The following ST8SIA6 variants were observed in gnomAD, a reference collection of about 807,000 sequenced individuals.
The protein encoded by ST8SIA6 is alpha-2,8-sialyltransferase 8F.
A neutral mutation model predicts 33.6 loss-of-function variants in ST8SIA6; 39 were observed. The observed-to-expected ratio is 1.16, with a 90% confidence interval of 0.90 to 1.52. ST8SIA6 has a LOEUF of 1.52. Among genes scored for constraint, ST8SIA6 ranks in the 40% most tolerant of loss-of-function variants. ST8SIA6 has a pLI of 0.00. For missense variants in ST8SIA6, 441 were observed against 443.8 expected (o/e 0.99, Z 0.06); for synonymous variants, 172 against 167.2 (o/e 1.03, Z -0.22).
Position 17,320,796 on chromosome 10 carries a change from A to T in ST8SIA6, c.*82T>A. On this transcript the variant is annotated 3_prime_UTR_variant, in exon 8 of 8. Coordinates refer to ENST00000377602, the MANE Select transcript of ST8SIA6 (RefSeq NM_001004470.3). ...TGGGGCTCATCTCAAAATACTCTTT[A>T]GCCACCTCCTTTGGTGTTTGGAGAC... 2 of 1,454,710 alleles carry T rather than the reference A, an allele frequency of 1.4e-6. No homozygotes were observed. The highest frequency in any genetic ancestry group is 1.9e-6 in the Non-Finnish European group (2 of 1,061,988). The allele number at this position is 1,454,710 out of a possible 1,614,324, so 90.1% of individuals were successfully genotyped here.
chr10:17,324,895 A>G (rs1348097083), intron 6 of ST8SIA6, among the ~76,000 whole-genome samples: 3 of 146,644 alleles, frequency 2.0e-5, no homozygotes, highest in Non-Finnish European at 3.0e-5. Context: ...TATATTATAT[A>G]TAACATGTAT....
chr10:17,365,139 TG>T (rs1246163061), intron 3 of ST8SIA6, among the ~76,000 whole-genome samples: 1 of 152,242 alleles, frequency 6.6e-6, no homozygotes, highest in Admixed American at 6.5e-5. Context: ...CAGCAAGTTA[TG>T]TTCAAAAGAA....
intron 4 of ST8SIA6, among the ~76,000 whole-genome samples, chr10:17,353,186 G>A (rs1025588642): frequency 3.4e-5 from 5 of 148,880 alleles, no homozygotes; most frequent in African/African-American, 1.3e-4. Flanking sequence ...GAATGAAAAA[G>A]TGTAAGCTCA....
At chr10:17,412,289 C>T (rs1234591915) in intron 2 of ST8SIA6, among the ~76,000 whole-genome samples, 1 of 152,156 alleles carries the variant, frequency 6.6e-6, no homozygotes, top group Non-Finnish European at 1.5e-5. Flanking sequence ...TCTAGAGCCA[C>T]ATCCTATCCC....
Position 17,326,366 on chromosome 10 carries a change from A to T in ST8SIA6, c.635+648T>A, listed in dbSNP as rs117020877. 1.4e-3 allele frequency among the ~76,000 whole-genome samples: 214 copies of T among 152,264 alleles called. 1 individual carries two copies. In the East Asian group the frequency reaches 0.021, roughly 15 times the overall value. ...GAAGGATAAATTACCTTTCCATTAC[A>T]CTGAGACAGTGGAGATGCTTTGGTA... On this transcript the variant is annotated intron_variant, in intron 6 of 7. Coordinates refer to ENST00000377602, the MANE Select transcript of ST8SIA6 (RefSeq NM_001004470.3).
At chr10:17,448,358 C>T (rs941200612) in intron 2 of ST8SIA6, among the ~76,000 whole-genome samples, 10 of 152,144 alleles carry the variant, frequency 6.6e-5, no homozygotes, top group African/African-American at 1.9e-4. Flanking sequence ...CTGTCCAGGA[C>T]GTCACGGCCA....
intron 3 of ST8SIA6, among the ~76,000 whole-genome samples, chr10:17,377,992 A>G (rs939007689): frequency 1.3e-5 from 2 of 152,204 alleles, no homozygotes; most frequent in African/African-American, 2.4e-5. Flanking sequence ...ACAACAGGCA[A>G]TTCATGCCTG....
chr10:17,327,763 T>C (rs901471735), intron 5 of ST8SIA6, among the ~76,000 whole-genome samples: 11 of 151,958 alleles, frequency 7.2e-5, no homozygotes, highest in African/African-American at 2.4e-4. Context: ...AAAAATTGGC[T>C]GAGTTTGGTG....
intron 2 of ST8SIA6, among the ~76,000 whole-genome samples, chr10:17,412,839 G>A (rs1185368655): frequency 6.6e-6 from 1 of 152,152 alleles, no homozygotes; most frequent in East Asian, 1.9e-4. Context: ...AGAGAAAAAG[G>A]TGAGTGTTTT....
chr10:17,441,715 G>C (rs1279994491), intron 2 of ST8SIA6, among the ~76,000 whole-genome samples: 1 of 151,908 alleles, frequency 6.6e-6, no homozygotes, highest in Non-Finnish European at 1.5e-5. Flanking sequence ...CTCTAAATTT[G>C]TTAATTAATT....
At chr10:17,401,684 G>T (rs1222437082) in intron 2 of ST8SIA6, among the ~76,000 whole-genome samples, 8 of 152,174 alleles carry the variant, frequency 5.3e-5, no homozygotes, top group African/African-American at 1.4e-4. Context: ...ATGGGGAAAG[G>T]ATTCCCTATT....
chr10:17,419,166 G>A (rs891540196), intron 2 of ST8SIA6, among the ~76,000 whole-genome samples: 22 of 151,708 alleles, frequency 1.5e-4, no homozygotes, highest in African/African-American at 5.1e-4. Flanking sequence ...AGTAAGTATC[G>A]AATTACACAT....
chr10:17,437,473 A>C (rs899615304), intron 2 of ST8SIA6, among the ~76,000 whole-genome samples: 3 of 150,998 alleles, frequency 2.0e-5, no homozygotes, highest in Non-Finnish European at 4.4e-5. Context: ...TGCCTGGACA[A>C]TCTCTATATT....
chr10:17,391,277 T>A (rs1366375762), intron 2 of ST8SIA6, among the ~76,000 whole-genome samples: 1 of 152,110 alleles, frequency 6.6e-6, no homozygotes, highest in Non-Finnish European at 1.5e-5. Flanking sequence ...ATTTATTTAT[T>A]TTTTAGATGG....
intron 3 of ST8SIA6, among the ~76,000 whole-genome samples, chr10:17,379,652 G>A (rs1001064143): frequency 6.6e-6 from 1 of 152,056 alleles, no homozygotes; most frequent in African/African-American, 2.4e-5. Context: ...CTGCTTGGAG[G>A]CTTCCTGCCT....
At chr10:17,339,156 TTTTG>T (rs1848597190) in intron 4 of ST8SIA6, among the ~76,000 whole-genome samples, 2 of 152,144 alleles carry the variant, frequency 1.3e-5, no homozygotes, top group African/African-American at 4.8e-5. Context: ...TTTCTGTTTC[TTTTG>T]TTTGTTTGTT....
chr10:17,327,402 T>C lies in ST8SIA6; in HGVS notation c.523-276A>G, dbSNP rs1588782665. Among the ~76,000 whole-genome samples, 4 of 151,258 alleles carry C rather than the reference T, an allele frequency of 2.6e-5. No individual in the cohort carries two copies. In the South Asian group the frequency reaches 6.3e-4, roughly 24 times the overall value. On this transcript the variant is annotated intron_variant, in intron 5 of 7. Transcript: ENST00000377602. ...GAGTTCAACACCAGCCTGGCCAAGA[T>C]GGTGAAACCCCGTCTCTGCGAAAAA...
intron 2 of ST8SIA6, among the ~76,000 whole-genome samples, chr10:17,434,557 G>A (rs1325999790): frequency 1.3e-5 from 2 of 152,154 alleles, no homozygotes; most frequent in African/African-American, 4.8e-5. Context: ...AGTTGGGATA[G>A]AATCTTTGGA....
At position 17,320,788 on chromosome 10, in the gene ST8SIA6, T is replaced by C; in HGVS notation, c.*90A>G. ...CCAAATTTTGGGGCTCATCTCAAAA[T>C]ACTCTTTAGCCACCTCCTTTGGTGT... On this transcript the variant is annotated 3_prime_UTR_variant, in exon 8 of 8. Coordinates refer to ENST00000377602, the MANE Select transcript of ST8SIA6 (RefSeq NM_001004470.3). 2.1e-6 allele frequency: 3 copies of C among 1,410,364 alleles called. No homozygotes were observed. The South Asian group carries it at 4.1e-5, about 19-fold the overall frequency. The allele number at this position is 1,410,364 out of a possible 1,614,324, so 87.4% of individuals were successfully genotyped here. A position where few individuals can be genotyped will look rare whatever the true frequency, so the allele number is the denominator to read the frequency against.
Sources: gnomAD v4.1 joint callset for allele counts (sites outside exome capture counted in the v4.1 genomes callset) on GRCh38, gnomAD v4.1.1 for gene constraint, MANE v1.5 for transcripts, NCBI Gene and HGNC (gene_info 2026-07-23, HGNC 2026-07-21) for gene names.